The following COL5A1 variants were observed in gnomAD, a reference collection of about 807,000 sequenced individuals.
COL5A1 encodes collagen type V alpha 1 chain, also known as collagen alpha-1(V) chain.
In COL5A1, 16 loss-of-function variants were observed where a neutral mutation model predicts 263.7. That is an observed-to-expected ratio of 0.06 (90% CI 0.04 to 0.09). The LOEUF (loss-of-function observed/expected upper bound fraction) is 0.09, where lower values mean the gene tolerates loss of function less well. COL5A1 is among the 10% of genes least tolerant of loss of function. The pLI is 1.00. For missense variants in COL5A1, 2,036 were observed against 2,540.5 expected, an observed-to-expected ratio of 0.80 and a Z score of 4.27; for synonymous variants, 1,012 against 1,004.5, an observed-to-expected ratio of 1.01 and a Z score of -0.14.
At chr9:134,764,979 G>A (rs1217762808) in intron 20 of COL5A1, among the ~76,000 whole-genome samples, 1 of 152,194 alleles carries the variant, frequency 6.6e-6, no homozygotes. Context: ...CGTACCTGGG[G>A]TGAAGCCTCT....
chr9:134,783,540 G>A (rs892435465), intron 29 of COL5A1, among the ~76,000 whole-genome samples: 3 of 152,138 alleles, frequency 2.0e-5, no homozygotes, highest in Non-Finnish European at 4.4e-5. Context: ...AAGACGCCTC[G>A]GCCTCCGGTG....
intron 65 of COL5A1, among the ~76,000 whole-genome samples, chr9:134,839,416 C>A (rs2132936749): frequency 6.6e-6 from 1 of 152,326 alleles, no homozygotes; most frequent in Middle Eastern, 3.4e-3. Flanking sequence ...CATGAAATCA[C>A]CCGACAGCTC....
intron 64 of COL5A1, chr9:134,832,593 G>A (rs1206721093): frequency 6.6e-6 from 1 of 152,204 alleles, no homozygotes; most frequent in African/African-American, 2.4e-5. Flanking sequence ...TGCCCCATGG[G>A]CACTGGGGGC....
chr9:134,729,323 G>A lies in COL5A1; in HGVS notation c.924+516G>A, dbSNP rs528483479. 6.6e-4 allele frequency among the ~76,000 whole-genome samples: 101 copies of A among 152,324 alleles called. 1 individual carries two copies. The highest frequency in any genetic ancestry group is 1.3e-3 in the Non-Finnish European group (89 of 68,024). Reference sequence around the variant, plus strand: ...GAGAGCCGGAGGGTCACACCTAGCAGGGCCCGGGCCCCGTGCAGGAGTGTG... The same window carrying A: ...GAGAGCCGGAGGGTCACACCTAGCAAGGCCCGGGCCCCGTGCAGGAGTGTG... On this transcript the variant is annotated intron_variant, in intron 6 of 65. Transcript: ENST00000371817.
intron 1 of COL5A1, among the ~76,000 whole-genome samples, chr9:134,679,361 T>C (rs1323576264): frequency 1.4e-5 from 1 of 69,172 alleles, no homozygotes; most frequent in Non-Finnish European, 2.6e-5. Flanking sequence ...CAGAGCTAGT[T>C]GGGGGCACTG....
intron 9 of COL5A1, among the ~76,000 whole-genome samples, chr9:134,736,705 A>G (rs1835111797): frequency 6.6e-6 from 1 of 152,238 alleles, no homozygotes; most frequent in Admixed American, 6.5e-5. Flanking sequence ...CAAATCAGGT[A>G]CTGATGAGAC....
At chr9:134,722,410 A>G (rs1038160979) in intron 4 of COL5A1, among the ~76,000 whole-genome samples, 2 of 152,210 alleles carry the variant, frequency 1.3e-5, no homozygotes, top group African/African-American at 4.8e-5. Flanking sequence ...TGTGCCCACA[A>G]GCACTGAGAC....
In COL5A1 at chr9:134,686,744, C is replaced by T. The variant is rs762428454; in HGVS notation, c.110-4168C>T. ...CCAACTTCTCTAACTCTGATCAACT[C>T]GGGGATGGACAAGAGGTATTCCCTG... On this transcript the variant is annotated intron_variant, in intron 1 of 65. Coordinates refer to ENST00000371817, the MANE Select transcript of COL5A1 (RefSeq NM_000093.5). The surrounding 1 kb of genome is among the most constrained non-coding windows in gnomAD (Gnocchi z 4.6). Among the ~76,000 whole-genome samples the T allele has an allele frequency of 1.3e-5, 2 of 152,158 alleles. No individual in the cohort carries two copies. The highest frequency in any genetic ancestry group is 2.4e-5 in the African/African-American group (1 of 41,438).
chr9:134,674,712 CCT>C (rs538409448), intron 1 of COL5A1, among the ~76,000 whole-genome samples: 78 of 152,050 alleles, frequency 5.1e-4, no homozygotes, highest in Non-Finnish European at 1.0e-3. Flanking sequence ...GTGGCAAAAC[CCT>C]GTCTCTACGA....
intron 24 of COL5A1, among the ~76,000 whole-genome samples, chr9:134,767,705 A>C (rs1395239311): frequency 1.3e-5 from 2 of 152,314 alleles, no homozygotes; most frequent in South Asian, 4.1e-4. Context: ...ATTTTGGTTT[A>C]GTCTAGTTTT....
Position 134,795,067 on chromosome 9 carries a change from C to T in COL5A1, c.2701-15C>T, listed in dbSNP as rs1837847527. On this transcript the variant is annotated splice_polypyrimidine_tract_variant and intron_variant, in intron 32 of 65. Coordinates refer to ENST00000371817, the MANE Select transcript of COL5A1 (RefSeq NM_000093.5). ...CATTTAGAGAGTGACTGACCAGCCC[C>T]TTCTCTGATTCTAGGGGACCCCTGG... 6.2e-7 allele frequency: 1 copy of T among 1,613,678 alleles called. No homozygotes were observed. Among genetic ancestry groups the T allele is most frequent in the Admixed American group, 1.7e-5 (1 of 60,004 alleles).
chr9:134,728,887 G>T, intron 6 of COL5A1, 80 bp downstream of exon 6: 1 of 1,583,766 alleles, frequency 6.3e-7, no homozygotes. Context: ...AGGAGAGGTT[G>T]TGTCAGGGTA....
chr9:134,699,030 C>T (rs546862363), intron 2 of COL5A1, among the ~76,000 whole-genome samples: 19 of 152,330 alleles, frequency 1.2e-4, no homozygotes, highest in Admixed American at 6.5e-4. Flanking sequence ...GCTGGCCCAC[C>T]GGCATCAACT....
Position 134,753,899 on chromosome 9 carries a change from C to T in COL5A1, c.1769C>T (p.Pro590Leu). ...AAGGGCGAGCCGGGAGACGTGGGGC[C>T]TCAGGTATGTGGGATCCTTGCCTTC... Reference protein sequence around the residue: ...GLKGEPGDVGPQGPRGVQGPP... With the variant: ...GLKGEPGDVGLQGPRGVQGPP... Residue 590 changes from proline to leucine, a missense_variant, in exon 15 of 66, where the codon CCT becomes CTT. Pro to Leu is a moderately conservative substitution (Grantham distance 98). Transcript: ENST00000371817. 6.2e-7 allele frequency: 1 copy of T among 1,613,706 alleles called. No individual in the cohort carries two copies. The highest frequency in any genetic ancestry group is 1.3e-5 in the African/African-American group (1 of 74,988).
intron 4 of COL5A1, among the ~76,000 whole-genome samples, chr9:134,725,704 G>A (rs1467818322): frequency 6.6e-6 from 1 of 152,250 alleles, no homozygotes; most frequent in East Asian, 1.9e-4. Context: ...CACAGTTAGA[G>A]TGTAGGCTGC....
At position 134,757,084 on chromosome 9, in the gene COL5A1, A is replaced by G. The variant is rs1216807584; in HGVS notation, c.1881+266A>G. 6.6e-6 allele frequency among the ~76,000 whole-genome samples: 1 copy of G among 152,038 alleles called. No individual in the cohort carries two copies. Among genetic ancestry groups the G allele is most frequent in the Non-Finnish European group, 1.5e-5 (1 of 68,002 alleles). On this transcript the variant is annotated intron_variant, in intron 17 of 65. Coordinates refer to ENST00000371817, the MANE Select transcript of COL5A1 (RefSeq NM_000093.5). The surrounding 1 kb of genome is among the most constrained non-coding windows in gnomAD (Gnocchi z 6.2). ...GGGTGGGATCCCGACTATGAAAACC[A>G]TCCGTGGCCGTGCAGGTGACGAGGC...
At chr9:134,687,546 T>A (rs1833123891) in intron 1 of COL5A1, among the ~76,000 whole-genome samples, 1 of 152,012 alleles carries the variant, frequency 6.6e-6, no homozygotes, top group South Asian at 2.1e-4. Flanking sequence ...ATGGCGAGGG[T>A]TCCATGGAAT....
intron 4 of COL5A1, among the ~76,000 whole-genome samples, chr9:134,725,320 A>C (rs567628087): frequency 6.6e-6 from 1 of 152,312 alleles, no homozygotes; most frequent in South Asian, 2.1e-4. Flanking sequence ...GACACAATTC[A>C]TAGGGTTCTT....
At chr9:134,747,077 T>A (rs1221790102) in intron 11 of COL5A1, among the ~76,000 whole-genome samples, 1 of 152,268 alleles carries the variant, frequency 6.6e-6, no homozygotes, top group Non-Finnish European at 1.5e-5. Flanking sequence ...AGGTTCATGT[T>A]GGTGGCCCTG....
Sources: allele counts gnomAD v4.1 joint callset (sites outside exome capture counted in the v4.1 genomes callset), GRCh38; gene constraint gnomAD v4.1.1; non-coding constraint Gnocchi (gnomAD v3.1); transcripts MANE v1.5; gene names NCBI Gene and HGNC (gene_info 2026-07-23, HGNC 2026-07-21).